ST6GAL1: variants seen among roughly 807,000 people sequenced by gnomAD.
ST6GAL1 encodes the protein ST6 beta-galactoside alpha-2,6-sialyltransferase 1.
ST6GAL1 carries 20 observed loss-of-function variants against 38.0 expected under a neutral mutation model. That is an observed-to-expected ratio of 0.53 (90% CI 0.37 to 0.77). The LOEUF is 0.77. Ranked by LOEUF, ST6GAL1 falls within the 30% of genes least tolerant of loss-of-function variation. The pLI is 0.00. For missense variants in ST6GAL1, 432 were observed against 496.4 expected (o/e 0.87, Z 1.23); for synonymous variants, 196 against 188.2 (o/e 1.04, Z -0.34).
chr3:186,935,036 A>G lies in ST6GAL1; in HGVS notation c.-325+4202A>G, dbSNP rs1231896073. 3.9e-5 allele frequency among the ~76,000 whole-genome samples: 6 copies of G among 152,100 alleles called. No homozygotes were observed. The South Asian group carries it at 1.0e-3, about 26-fold the overall frequency. On this transcript the variant is annotated intron_variant, in intron 1 of 7. Coordinates refer to ENST00000169298, the MANE Select transcript of ST6GAL1 (RefSeq NM_173216.2). ...ACTTTTATTTTGGGTTCAGAGGTAC[A>G]TGTGCAGGTTTGTTATACAGGTAAA... is the stretch of plus-strand genomic sequence containing the variant.
chr3:187,019,684 C>A (rs754980882), intron 2 of ST6GAL1, among the ~76,000 whole-genome samples: 27 of 152,118 alleles, frequency 1.8e-4, no homozygotes, highest in Non-Finnish European at 2.9e-4. Flanking sequence ...GGGAGTCCTT[C>A]ATGGGAGAGG....
chr3:186,943,696 C>T (rs1169804338), intron 1 of ST6GAL1, among the ~76,000 whole-genome samples: 1 of 152,188 alleles, frequency 6.6e-6, no homozygotes. Flanking sequence ...GATCCGCCCG[C>T]CTCAGCCTCC....
At chr3:186,933,950 G>C (rs1418589215) in intron 1 of ST6GAL1, among the ~76,000 whole-genome samples, 3 of 152,214 alleles carry the variant, frequency 2.0e-5, no homozygotes, top group Non-Finnish European at 4.4e-5. Context: ...TTTAGTGTTT[G>C]CTGAACGGTT....
At position 187,048,880 on chromosome 3, in the gene ST6GAL1, A is replaced by ATTTTTTTTTTTTTTTTTTTTTTTTT. The variant is rs374148828; in HGVS notation, c.608-2365_608-2341dup. On this transcript the variant is annotated intron_variant, in intron 4 of 7. Transcript: ENST00000169298. ...TCTGGCTCTGTCCCTGAGAAATTGA[A>ATTTTTTTTTTTTTTTTTTTTTTTTT]TTTTTTTTTTTTTTTTTTTTTTTTT... 4.3e-5 allele frequency among the ~76,000 whole-genome samples: 5 copies of ATTTTTTTTTTTTTTTTTTTTTTTTT among 115,450 alleles called. 1 individual carries two copies. The highest frequency in any genetic ancestry group is 1.9e-4 in the African/African-American group (5 of 26,576). The allele number at this position is 115,450 out of a possible 152,430, so 75.7% of individuals were successfully genotyped here. A position where few individuals can be genotyped will look rare whatever the true frequency, so the allele number is the denominator to read the frequency against.
At chr3:187,048,880 A>AATTTTTTTTTTTTTTTTTTTT (rs1286181913) in intron 4 of ST6GAL1, among the ~76,000 whole-genome samples, 1 of 115,456 alleles carries the variant, frequency 8.7e-6, no homozygotes, top group African/African-American at 3.8e-5. Context: ...GAGAAATTGA[A>AATTTTTTTTTTTTTTTTTTTT]TTTTTTTTTT....
intron 5 of ST6GAL1, among the ~76,000 whole-genome samples, chr3:187,069,675 C>T (rs1034665138): frequency 6.6e-6 from 1 of 152,148 alleles, no homozygotes; most frequent in Admixed American, 6.5e-5. Flanking sequence ...TTACTTAAAA[C>T]CCTTTCCTGG....
chr3:187,022,284 T>C (rs1717344884), intron 2 of ST6GAL1, among the ~76,000 whole-genome samples: 1 of 152,206 alleles, frequency 6.6e-6, no homozygotes, highest in Admixed American at 6.5e-5. Context: ...ACATAAGTCA[T>C]CTTCTGTGTT....
chr3:187,025,929 G>A (rs1279004293), intron 2 of ST6GAL1, among the ~76,000 whole-genome samples: 1 of 152,196 alleles, frequency 6.6e-6, no homozygotes, highest in African/African-American at 2.4e-5. Context: ...TGCCTGGCTG[G>A]GAAAAGATGT....
In ST6GAL1 at chr3:186,973,679, G is replaced by A. The variant is rs148971183; in HGVS notation, c.-183+9753G>A. The stretch of plus-strand genomic sequence containing the variant: ...TGTTGTGAGGGCAAAGTGGAGAAGT[G>A]TCTTAGGGAGTGTTGGCTCCCTCTC... On this transcript the variant is annotated intron_variant, in intron 2 of 7. Transcript: ENST00000169298. 4.1e-4 allele frequency among the ~76,000 whole-genome samples: 63 copies of A among 152,304 alleles called. No individual in the cohort carries two copies. In the East Asian group the frequency reaches 0.01, roughly 24 times the overall value.
At chr3:187,049,909 C>T (rs1718450460) in intron 4 of ST6GAL1, among the ~76,000 whole-genome samples, 1 of 152,220 alleles carries the variant, frequency 6.6e-6, no homozygotes, top group South Asian at 2.1e-4. Context: ...AGATATACCT[C>T]CTGCCCTATG....
At chr3:186,948,528 AGT>A (rs36234165) in intron 1 of ST6GAL1, among the ~76,000 whole-genome samples, 14,599 of 145,764 alleles carry the variant, frequency 0.1, 711 homozygotes, top group East Asian at 0.16. Context: ...CAGAAACTCT[AGT>A]GTGTGTGTGT....
chr3:186,975,012 T>C (rs1033017423), intron 2 of ST6GAL1: 6 of 152,374 alleles, frequency 3.9e-5, no homozygotes, highest in Admixed American at 2.0e-4. Flanking sequence ...CAAATAGCTC[T>C]GGGCTTTGGC....
At chr3:187,067,742 G>C (rs962241971) in intron 5 of ST6GAL1, among the ~76,000 whole-genome samples, 2 of 152,144 alleles carry the variant, frequency 1.3e-5, no homozygotes, top group Admixed American at 1.3e-4. Flanking sequence ...GTGTAGTCCT[G>C]CTGGAGCAGA....
chr3:187,022,319 G>A (rs1717347519), intron 2 of ST6GAL1, among the ~76,000 whole-genome samples: 1 of 152,044 alleles, frequency 6.6e-6, no homozygotes, highest in African/African-American at 2.4e-5. Flanking sequence ...GAGAGCAGAG[G>A]AAAGATGGCT....
At chr3:187,031,782 C>T (rs541648179) in intron 2 of ST6GAL1, among the ~76,000 whole-genome samples, 2 of 152,114 alleles carry the variant, frequency 1.3e-5, no homozygotes, top group South Asian at 4.1e-4. Flanking sequence ...TGAGGTAGGA[C>T]TTGTTATTAT....
intron 2 of ST6GAL1, among the ~76,000 whole-genome samples, chr3:187,005,238 T>C (rs1189486078): frequency 3.3e-5 from 5 of 151,636 alleles, no homozygotes; most frequent in Admixed American, 3.3e-4. Flanking sequence ...GTGGGGTTCA[T>C]TATCTGTCAT....
intron 2 of ST6GAL1, among the ~76,000 whole-genome samples, chr3:186,984,510 C>A (rs1196537156): frequency 6.6e-6 from 1 of 152,076 alleles, no homozygotes; most frequent in African/African-American, 2.4e-5. Flanking sequence ...CTTCCTTGAT[C>A]CTTTCCTTCC....
chr3:186,973,018 AC>A (rs1352071779), intron 2 of ST6GAL1, among the ~76,000 whole-genome samples: 13 of 151,876 alleles, frequency 8.6e-5, no homozygotes, highest in African/African-American at 3.1e-4. Flanking sequence ...CTGGGAAGAT[AC>A]CCTTCTATTT....
Position 187,075,703 on chromosome 3 carries a change from A to T in ST6GAL1, c.1121A>T (p.Tyr374Phe). 1.2e-6 allele frequency: 2 copies of T among 1,614,226 alleles called. No individual in the cohort carries two copies. The highest frequency in any genetic ancestry group is 1.7e-6 in the Non-Finnish European group (2 of 1,180,024). ...ATGGGTGCCTACCACCCGCTGCTCTATGAGAAGAATTTGGTGAAGCATCTC... is the reference window on the plus strand; with the variant it reads ...ATGGGTGCCTACCACCCGCTGCTCTTTGAGAAGAATTTGGTGAAGCATCTC... ...CTMGAYHPLL[Y>F]EKNLVKHLNQ... Residue 374 changes from tyrosine (Y) to phenylalanine (F), a missense_variant, in exon 8 of 8, where the codon TAT (tyrosine) becomes TTT (phenylalanine). Tyr to Phe is a conservative substitution (Grantham distance 22). Transcript: ENST00000169298. This position sits in a 1 kb window ranked among gnomAD's most constrained non-coding sequence, Gnocchi z 4.1.
Sources: gnomAD v4.1 joint callset for allele counts (sites outside exome capture counted in the v4.1 genomes callset) on GRCh38, gnomAD v4.1.1 for gene constraint, Gnocchi (gnomAD v3.1) non-coding constraint, MANE v1.5 for transcripts, NCBI Gene and HGNC (gene_info 2026-07-23, HGNC 2026-07-21) for gene names.